AP2M1: variants seen among roughly 807,000 people sequenced by gnomAD.
AP2M1 encodes adaptor related protein complex 2 subunit mu 1, also known as AP-2 complex subunit mu.
In AP2M1, 5 loss-of-function variants were observed where a neutral mutation model predicts 54.5. The observed-to-expected ratio is 0.09, with a 90% CI of 0.05 to 0.19. AP2M1 has a LOEUF of 0.19. AP2M1 is among the 10% of genes least tolerant of loss of function. The pLI, the probability that AP2M1 is intolerant of heterozygous loss-of-function variation, is 1.00. For synonymous variants in AP2M1, 186 were observed against 208.2 expected (o/e 0.89, Z 0.92); for missense variants, 178 against 580.2 (o/e 0.31, Z 7.12).
intron 1 of AP2M1, among the ~76,000 whole-genome samples, chr3:184,175,950 A>G (rs986110630): frequency 1.3e-5 from 2 of 152,228 alleles, no homozygotes; most frequent in African/African-American, 4.8e-5. Flanking sequence ...AAAGTCCTCT[A>G]AAGTACTCCC....
In AP2M1 at chr3:184,181,930, C is replaced by T. The variant is rs1443285382; in HGVS notation, c.846C>T (p.Asp282=). 1.2e-5 allele frequency: 19 copies of T among 1,614,186 alleles called. No homozygotes were observed. The highest frequency in any genetic ancestry group is 1.5e-5 in the Non-Finnish European group (18 of 1,180,024). The change falls in exon 9 of 12, where the codon GAC becomes GAT. Residue 282 remains aspartate, a synonymous_variant. Coordinates refer to ENST00000292807, the MANE Select transcript of AP2M1 (RefSeq NM_004068.4). The surrounding 1 kb of genome is among the most constrained non-coding windows in gnomAD (Gnocchi z 5.7). The part of the protein sequence containing the change: ...FELMRYRTTK[D]IILPFRVIPL... ...CCTTAAGGTATCGCACAACCAAGGA[C>T]ATCATCCTTCCCTTCCGGGTGATCC...
intron 1 of AP2M1, among the ~76,000 whole-genome samples, chr3:184,175,973 A>G (rs1040104114): frequency 1.6e-4 from 24 of 152,228 alleles, no homozygotes; most frequent in Non-Finnish European, 1.6e-4. Flanking sequence ...TGAAATTAAT[A>G]CCAGGGCTAA....
intron 2 of AP2M1, among the ~76,000 whole-genome samples, 171 bp downstream of exon 2, chr3:184,177,238 G>A (rs1307776737): frequency 2.6e-5 from 4 of 152,230 alleles, no homozygotes; most frequent in African/African-American, 9.6e-5. Flanking sequence ...GGTGGTATTG[G>A]CCCGGCAGCC....
At chr3:184,176,646 G>C in intron 1 of AP2M1, 1 of 375,796 alleles carries the variant, frequency 2.7e-6, no homozygotes, top group Non-Finnish European at 4.7e-6. Context: ...GGGCCGAAAA[G>C]GATCATTCCT....
Position 184,181,042 on chromosome 3 carries a change from C to G in AP2M1, c.566-43C>G. 1 of 1,614,064 alleles carries G rather than the reference C, an allele frequency of 6.2e-7. No individual in the cohort carries two copies. Among genetic ancestry groups the G allele is most frequent in the South Asian group, 1.1e-5 (1 of 91,042 alleles). Reference sequence around the variant, plus strand: ...GCCCAGGGCAGGATCCTGGGCCTGCCTGCCTGACTCCGCTGCTCCCCATTT... The same window carrying G: ...GCCCAGGGCAGGATCCTGGGCCTGCGTGCCTGACTCCGCTGCTCCCCATTT... On this transcript the variant is annotated intron_variant, in intron 6 of 11. Coordinates refer to ENST00000292807, the MANE Select transcript of AP2M1 (RefSeq NM_004068.4). The surrounding 1 kb of genome is among the most constrained non-coding windows in gnomAD (Gnocchi z 5.7).
chr3:184,181,371 A>G lies in AP2M1; in HGVS notation c.707+145A>G, dbSNP rs1715268877. On this transcript the variant is annotated intron_variant, in intron 7 of 11. Transcript: ENST00000292807. This position sits in a 1 kb window ranked among gnomAD's most constrained non-coding sequence, Gnocchi z 5.7. ...CGGTAAGCCTGGCTGTTCGCTCTTGACATTAGTGCTACGAGAGATGAGGGG... is the reference window on the plus strand; with the variant it reads ...CGGTAAGCCTGGCTGTTCGCTCTTGGCATTAGTGCTACGAGAGATGAGGGG... The G allele has an allele frequency of 3.2e-6, 4 of 1,258,110 alleles. No homozygotes were observed. Among genetic ancestry groups the G allele is most frequent in the Non-Finnish European group, 4.5e-6 (4 of 897,642 alleles). The allele number at this position is 1,258,110 out of a possible 1,614,324, so 77.9% of individuals were successfully genotyped here. A position where few individuals can be genotyped will look rare whatever the true frequency, so the allele number is the denominator to read the frequency against.
chr3:184,182,325 T>A lies in AP2M1; in HGVS notation c.1061+77T>A. 1.4e-6 allele frequency: 2 copies of A among 1,474,180 alleles called. No homozygotes were observed. The highest frequency in any genetic ancestry group is 1.4e-5 in the African/African-American group (1 of 72,088). 91.3% of individuals were successfully genotyped at this position (1,474,180 alleles called of 1,614,324 possible). A position where few individuals can be genotyped will look rare whatever the true frequency, so the allele number is the denominator to read the frequency against. ...CTCTTGTTTTCAGCTTTGATCCTTC[T>A]GAATGAGGGGCAGGGGAGTGTGCCT... On this transcript the variant is annotated intron_variant, in intron 10 of 11. Coordinates refer to ENST00000292807, the MANE Select transcript of AP2M1 (RefSeq NM_004068.4). This position sits in a 1 kb window ranked among gnomAD's most constrained non-coding sequence, Gnocchi z 5.5.
intron 2 of AP2M1, chr3:184,177,392 A>G (rs1006166355): frequency 7.4e-6 from 5 of 671,678 alleles, no homozygotes; most frequent in East Asian, 2.8e-5. Flanking sequence ...AGGAGGAGAA[A>G]TGTCTCCAGT....
In AP2M1 at chr3:184,183,799, C is replaced by T; in HGVS notation, c.*183C>T. The stretch of plus-strand genomic sequence containing the variant: ...TGGGACCGGTGGAGCAGCCCCTGGG[C>T]TCCCTGGGCAGGGGAGTTCTGAGGC... On this transcript the variant is annotated 3_prime_UTR_variant, in exon 12 of 12. Transcript: ENST00000292807. This position sits in a 1 kb window ranked among gnomAD's most constrained non-coding sequence, Gnocchi z 5.7. 1.5e-6 allele frequency: 1 copy of T among 667,686 alleles called. No individual in the cohort carries two copies. The highest frequency in any genetic ancestry group is 2.5e-6 in the Non-Finnish European group (1 of 405,418). The allele number at this position is 667,686 out of a possible 1,614,324, so 41.4% of individuals were successfully genotyped here.
intron 1 of AP2M1, chr3:184,176,634 G>C (rs536870613): frequency 2.8e-6 from 1 of 356,910 alleles, no homozygotes; most frequent in Admixed American, 4.7e-5. Flanking sequence ...CTGCACAGGA[G>C]GGGGCCGAAA....
Position 184,183,432 on chromosome 3 carries a change from G to C in AP2M1, c.1174-50G>C, listed in dbSNP as rs761272488. On this transcript the variant is annotated intron_variant, in intron 11 of 11. Transcript: ENST00000292807. The surrounding 1 kb of genome is among the most constrained non-coding windows in gnomAD (Gnocchi z 5.7). The stretch of plus-strand genomic sequence containing the variant: ...CAGGGCAACGGGACTTCCCAGAGGA[G>C]AGCGGCTGTAAGAGGAAGGCCACAT... The C allele has an allele frequency of 2.6e-5, 42 of 1,611,294 alleles. No individual in the cohort carries two copies. The highest frequency in any genetic ancestry group is 1.7e-6 in the Non-Finnish European group (2 of 1,178,710).
At position 184,174,878 on chromosome 3, in the gene AP2M1, G is replaced by C; in HGVS notation, c.-125G>C. On this transcript the variant is annotated 5_prime_UTR_variant, in exon 1 of 12. Coordinates refer to ENST00000292807, the MANE Select transcript of AP2M1 (RefSeq NM_004068.4). ...GCACTGCGGTGAAAGCCGAGGCAGC[G>C]GGCAGACGAGCAGGGGGCGGGCGGA... 1 of 398,314 alleles carries C rather than the reference G, an allele frequency of 2.5e-6. No individual in the cohort carries two copies. The highest frequency in any genetic ancestry group is 4.4e-5 in the Admixed American group (1 of 22,726). The allele number at this position is 398,314 out of a possible 1,614,324, so 24.7% of individuals were successfully genotyped here.
At chr3:184,176,181 C>T (rs1715067646) in intron 1 of AP2M1, among the ~76,000 whole-genome samples, 1 of 152,132 alleles carries the variant, frequency 6.6e-6, no homozygotes, top group African/African-American at 2.4e-5. Context: ...GCCTGCGCCA[C>T]CCCCACCCCC....
At chr3:184,177,478 G>A (rs1715111470) in intron 2 of AP2M1, 1 of 1,443,118 alleles carries the variant, frequency 6.9e-7, no homozygotes, top group Admixed American at 2.0e-5. Context: ...CATATCAAAC[G>A]CCTTCACTGG....
rs1577060881 is a variant in AP2M1 at position 184,183,265 on chromosome 3, G to C, written c.1174-217G>C. 8.1e-6 allele frequency: 5 copies of C among 616,216 alleles called. No individual in the cohort carries two copies. The East Asian group carries it at 1.4e-4, about 17-fold the overall frequency. 38.2% of individuals were successfully genotyped at this position (616,216 alleles called of 1,614,324 possible). ...GTTCTAAAGCAGTTCTTTGGTTGCT[G>C]TCTCCTGCTGATTAAAGGAACTGAT... On this transcript the variant is annotated intron_variant, in intron 11 of 11. Coordinates refer to ENST00000292807, the MANE Select transcript of AP2M1 (RefSeq NM_004068.4). The surrounding 1 kb of genome is among the most constrained non-coding windows in gnomAD (Gnocchi z 5.7).
In AP2M1 at chr3:184,177,749, T is replaced by C. The variant is rs562060275; in HGVS notation, c.74+682T>C. ...TCATTCTGCGCCCCCTTGCACGCCC[T>C]TGTTCTTTGCGACTGAAGGGACCTA... On this transcript the variant is annotated intron_variant, in intron 2 of 11. Coordinates refer to ENST00000292807, the MANE Select transcript of AP2M1 (RefSeq NM_004068.4). The C allele has an allele frequency of 4.8e-5, 40 of 833,260 alleles. No homozygotes were observed. The African/African-American group carries it at 5.8e-4, about 12-fold the overall frequency. 51.6% of individuals were successfully genotyped at this position (833,260 alleles called of 1,614,324 possible). A position where few individuals can be genotyped will look rare whatever the true frequency, so the allele number is the denominator to read the frequency against.
At chr3:184,177,635 TG>T in intron 2 of AP2M1, 2 of 1,533,070 alleles carry the variant, frequency 1.3e-6, no homozygotes, top group South Asian at 2.4e-5. Flanking sequence ...TGGGTCACTG[TG>T]GGAGGGCAGG....
intron 3 of AP2M1, among the ~76,000 whole-genome samples, chr3:184,179,561 G>A (rs1302988355): frequency 6.6e-6 from 1 of 152,072 alleles, no homozygotes; most frequent in Non-Finnish European, 1.5e-5. Context: ...AAGAGAAGGT[G>A]AATACTTCCA....
Position 184,179,949 on chromosome 3 carries a change from C to T in AP2M1, c.341-220C>T, listed in dbSNP as rs1011395570. ...GTGTTGGGATTACAGGCATGAGCCA[C>T]TGCACCTGGCCTTGATTTCTCTATT... On this transcript the variant is annotated intron_variant, in intron 3 of 11. Transcript: ENST00000292807. 161 of 584,942 alleles carry T rather than the reference C, an allele frequency of 2.8e-4. No individual in the cohort carries two copies. In the African/African-American group the frequency reaches 2.8e-3, roughly 10 times the overall value. 36.2% of individuals were successfully genotyped at this position (584,942 alleles called of 1,614,324 possible). A position where few individuals can be genotyped will look rare whatever the true frequency, so the allele number is the denominator to read the frequency against.
Sources: allele counts gnomAD v4.1 joint callset (sites outside exome capture counted in the v4.1 genomes callset), GRCh38; gene constraint gnomAD v4.1.1; non-coding constraint Gnocchi (gnomAD v3.1); transcripts MANE v1.5; gene names NCBI Gene and HGNC (gene_info 2026-07-23, HGNC 2026-07-21).